FAM184B: variants seen among roughly 807,000 people sequenced by gnomAD.
The protein encoded by FAM184B is protein FAM184B.
FAM184B carries 111 observed loss-of-function variants against 135.9 expected under a neutral mutation model. The ratio of observed to expected loss-of-function variants is 0.82; its 90% CI spans 0.70 to 0.96. The LOEUF (loss-of-function observed/expected upper bound fraction) is 0.96. Ranked by LOEUF, FAM184B falls within the 40% of genes least tolerant of loss-of-function variation. FAM184B has a pLI of 0.00. For synonymous variants in FAM184B, 552 were observed against 524.8 expected (o/e 1.05, Z -0.71); for missense variants, 1,375 against 1,323.9 (o/e 1.04, Z -0.60).
chr4:17,754,904 G>T (rs2108989973), intron 1 of FAM184B, among the ~76,000 whole-genome samples: 1 of 151,724 alleles, frequency 6.6e-6, no homozygotes, highest in Non-Finnish European at 1.5e-5. Context: ...GATAGGGTCT[G>T]GCTCTGTCAC....
intron 10 of FAM184B, 151 bp downstream of exon 10, chr4:17,658,199 T>G (rs1007705436): frequency 1.3e-6 from 1 of 792,396 alleles, no homozygotes; most frequent in African/African-American, 1.7e-5. Flanking sequence ...CTGAGCCTCT[T>G]TCTTCATCTG....
At chr4:17,736,753 T>C (rs1717917947) in intron 1 of FAM184B, among the ~76,000 whole-genome samples, 2 of 152,118 alleles carry the variant, frequency 1.3e-5, no homozygotes, top group Admixed American at 1.3e-4. Context: ...CTGCACTTAC[T>C]CCCATAGCCA....
intron 1 of FAM184B, among the ~76,000 whole-genome samples, chr4:17,710,466 C>G (rs1471646106): frequency 6.6e-6 from 1 of 152,010 alleles, no homozygotes; most frequent in African/African-American, 2.4e-5. Flanking sequence ...TCAATAGACA[C>G]AGAAAAAAAT....
intron 12 of FAM184B, 115 bp from the exon 13 acceptor site, chr4:17,642,343 G>A: frequency 7.3e-7 from 1 of 1,375,796 alleles, no homozygotes; most frequent in Non-Finnish European, 9.3e-7. Flanking sequence ...GCCCAGGCTG[G>A]AGCCTGTGGC....
At chr4:17,761,183 C>T (rs1007008299) in intron 1 of FAM184B, among the ~76,000 whole-genome samples, 2 of 152,132 alleles carry the variant, frequency 1.3e-5, no homozygotes, top group African/African-American at 4.8e-5. Context: ...CTCCTCAGCT[C>T]ACTGTCAGCA....
intron 1 of FAM184B, among the ~76,000 whole-genome samples, chr4:17,746,039 A>G (rs978748707): frequency 1.3e-5 from 2 of 152,000 alleles, no homozygotes; most frequent in African/African-American, 2.4e-5. Flanking sequence ...GCTCATTGCA[A>G]TCTCTGCCTT....
rs1394873377 is a variant in FAM184B, at chr4:17,633,727, G to T, written c.3051C>A (p.Tyr1017Ter). Residue 1017 changes from tyrosine to a stop codon, truncating the protein, a stop_gained, in exon 17 of 18, where the codon TAC (tyrosine) becomes TAA (stop). Coordinates refer to ENST00000265018, the MANE Select transcript of FAM184B (RefSeq NM_015688.2). LOFTEE classifies it high-confidence loss of function. ...TTGCATCTGTAGACTGGTTGGGTTT[G>T]TAGGTCCGGCCACAGCTGGGGCTTG... Reference protein sequence around the residue: ...LDPSPSCGRTYKPNQSTDAKT... With the variant: ...LDPSPSCGRT 1.3e-6 allele frequency: 2 copies of T among 1,549,138 alleles called. No homozygotes were observed. The highest frequency in any genetic ancestry group is 2.7e-5 in the African/African-American group (2 of 72,818).
At chr4:17,653,611 T>C (rs1397182116) in intron 10 of FAM184B, among the ~76,000 whole-genome samples, 4 of 152,126 alleles carry the variant, frequency 2.6e-5, no homozygotes, top group Admixed American at 2.6e-4. Context: ...AGTCCCACTG[T>C]GTGTCAAACA....
intron 1 of FAM184B, among the ~76,000 whole-genome samples, chr4:17,757,450 A>C (rs1718447835): frequency 1.3e-5 from 2 of 152,028 alleles, no homozygotes; most frequent in South Asian, 4.1e-4. Context: ...AAATATGAAC[A>C]CTGACCAGAT....
intron 1 of FAM184B, among the ~76,000 whole-genome samples, chr4:17,747,360 G>C (rs1047734962): frequency 6.6e-6 from 1 of 152,114 alleles, no homozygotes; most frequent in African/African-American, 2.4e-5. Flanking sequence ...GAAGAACATG[G>C]GAAACGGTGT....
chr4:17,742,014 T>C (rs1718052554), intron 1 of FAM184B, among the ~76,000 whole-genome samples: 1 of 151,932 alleles, frequency 6.6e-6, no homozygotes, highest in Non-Finnish European at 1.5e-5. Flanking sequence ...GCTAGAGATC[T>C]GCTGTACCAC....
Position 17,707,790 on chromosome 4 carries a change from C to T in FAM184B, c.895-6G>A. ...TTAAGCTGCACATCCAGGTCCTAAA[C>T]AGACAGGAAGGGTCCCATTTCTCTG... On this transcript the variant is annotated splice_polypyrimidine_tract_variant and splice_region_variant and intron_variant, in intron 2 of 17. Transcript: ENST00000265018. 2 of 1,551,944 alleles carry T rather than the reference C, an allele frequency of 1.3e-6. No individual in the cohort carries two copies. The highest frequency in any genetic ancestry group is 1.7e-6 in the Non-Finnish European group (2 of 1,147,036).
At chr4:17,643,487 T>A (rs2108931752) in intron 12 of FAM184B, among the ~76,000 whole-genome samples, 1 of 152,086 alleles carries the variant, frequency 6.6e-6, no homozygotes, top group South Asian at 2.1e-4. Flanking sequence ...TTGGCTTCTA[T>A]CCAGAGCCCT....
rs1220309823 is a variant in FAM184B at position 17,748,028 on chromosome 4, C to G, written c.141+33131G>C. Among the ~76,000 whole-genome samples, 6 of 138,658 alleles carry G rather than the reference C, an allele frequency of 4.3e-5. No homozygotes were observed. In the Admixed American group the frequency reaches 4.6e-4, roughly 11 times the overall value. The allele number at this position is 138,658 out of a possible 152,430, so 91.0% of individuals were successfully genotyped here. On this transcript the variant is annotated intron_variant, in intron 1 of 17. Coordinates refer to ENST00000265018, the MANE Select transcript of FAM184B (RefSeq NM_015688.2). ...CTGAGGCAGGAGAATCGCTTAAACC[C>G]GGGAGGCAGAGGTTGCAGTTAGCAG...
intron 7 of FAM184B, among the ~76,000 whole-genome samples, chr4:17,668,247 A>G (rs1371281193): frequency 6.6e-6 from 1 of 152,236 alleles, no homozygotes; most frequent in Non-Finnish European, 1.5e-5. Context: ...CACCAGATAA[A>G]GAAGCAACAG....
intron 5 of FAM184B, among the ~76,000 whole-genome samples, chr4:17,695,436 G>A (rs1428310423): frequency 6.6e-6 from 1 of 152,150 alleles, no homozygotes; most frequent in East Asian, 1.9e-4. Context: ...AAAGTGCTAG[G>A]ATTACATGCA....
chr4:17,665,301 A>G (rs1272559862), intron 7 of FAM184B, among the ~76,000 whole-genome samples: 2 of 152,368 alleles, frequency 1.3e-5, no homozygotes, highest in South Asian at 2.1e-4. Flanking sequence ...TTAGTTAACA[A>G]TGAGGCTTCT....
At chr4:17,705,701 T>A in intron 4 of FAM184B, 51 bp downstream of exon 4, 1 of 1,545,562 alleles carries the variant, frequency 6.5e-7, no homozygotes, top group African/African-American at 1.4e-5. Context: ...TTATAATAGA[T>A]AGCAAAGCTC....
intron 7 of FAM184B, among the ~76,000 whole-genome samples, chr4:17,683,204 G>C (rs1196721213): frequency 6.6e-6 from 1 of 152,144 alleles, no homozygotes; most frequent in Non-Finnish European, 1.5e-5. Flanking sequence ...TTTGTAACTT[G>C]CTGTGTTAGC....
Sources: gnomAD v4.1 joint callset for allele counts (sites outside exome capture counted in the v4.1 genomes callset) on GRCh38, gnomAD v4.1.1 for gene constraint, MANE v1.5 for transcripts, NCBI Gene and HGNC (gene_info 2026-07-23, HGNC 2026-07-21) for gene names.